Variants in ADHFE1 observed in about 807,000 individuals in gnomAD.
ADHFE1 encodes the protein hydroxyacid-oxoacid transhydrogenase, mitochondrial.
ADHFE1 carries 37 observed loss-of-function variants against 54.8 expected under a neutral mutation model. The observed-to-expected ratio is 0.68, with a 90% CI of 0.52 to 0.89. ADHFE1 has a LOEUF of 0.89. Ranked by LOEUF, ADHFE1 falls within the 40% of genes least tolerant of loss-of-function variation. The pLI, the probability that ADHFE1 is intolerant of heterozygous loss-of-function variation, is 0.00. For missense variants in ADHFE1, 601 were observed against 591.2 expected (o/e 1.02, Z -0.17); for synonymous variants, 203 against 229.3 (o/e 0.89, Z 1.04).
rs377555801 is a variant in ADHFE1, at chr8:66,448,987, C to T, written c.734+17C>T. On this transcript the variant is annotated intron_variant, in intron 8 of 13. Coordinates refer to ENST00000396623, the MANE Select transcript of ADHFE1 (RefSeq NM_144650.3). ...TGTGCTTTGGTAAGTGCTGGTGCCT[C>T]CTGGAGGGGCTTTTTTAGTACTGGG... The T allele has an allele frequency of 3.6e-4, 579 of 1,605,258 alleles. 2 individuals carry two copies. Among genetic ancestry groups the T allele is most frequent in the Admixed American group, 6.9e-4 (41 of 59,748 alleles).
chr8:66,460,583 G>A lies in ADHFE1; in HGVS notation c.1320+118G>A, dbSNP rs147090596. 6.3e-3 allele frequency: 8,082 copies of A among 1,275,364 alleles called. 45 individuals carry two copies. Among genetic ancestry groups the A allele is most frequent in the Middle Eastern group, 0.023 (82 of 3,492 alleles). The allele number at this position is 1,275,364 out of a possible 1,614,324, so 79.0% of individuals were successfully genotyped here. On this transcript the variant is annotated intron_variant, in intron 13 of 13. Coordinates refer to ENST00000396623, the MANE Select transcript of ADHFE1 (RefSeq NM_144650.3). ...ACCAGGGCTCCCCGGTGGTTCTCGG[G>A]TCTCCTCCACAGCAGACAGCAGTTC...
chr8:66,461,349 A>T (rs746288934), intron 13 of ADHFE1, among the ~76,000 whole-genome samples: 1 of 152,132 alleles, frequency 6.6e-6, no homozygotes, highest in African/African-American at 2.4e-5. Context: ...TTCCCTGACC[A>T]TGGAACAGAG....
chr8:66,445,271 C>A lies in ADHFE1; in HGVS notation c.407C>A (p.Ala136Asp), dbSNP rs139870830. The change falls in exon 6 of 14, where the codon GCT becomes GAT. Residue 136 changes from alanine (A) to aspartate (D), a missense_variant. Physicochemically the swap from Ala to Asp is moderately radical, Grantham distance 126 (BLOSUM62 -2). Coordinates refer to ENST00000396623, the MANE Select transcript of ADHFE1 (RefSeq NM_144650.3). ...AQKGAFDAYV[A>D]VGGGSTMDTC... ...AAGGGAGCTTTTGATGCCTATGTTG[C>A]TGTCGGTGGTGGCTCTACCATGGAC... 6.6e-5 allele frequency: 106 copies of A among 1,613,584 alleles called. No individual in the cohort carries two copies. In the African/African-American group the frequency reaches 1.3e-3, roughly 19 times the overall value.
In ADHFE1 at chr8:66,444,638, C is replaced by T; in HGVS notation, c.243C>T (p.Asp81=). The T allele has an allele frequency of 1.2e-6, 2 of 1,614,212 alleles. No homozygotes were observed. The highest frequency in any genetic ancestry group is 1.7e-6 in the Non-Finnish European group (2 of 1,180,042). Residue 81 remains aspartate, a synonymous_variant, in exon 5 of 14, where the codon GAC becomes GAT. Coordinates refer to ENST00000396623, the MANE Select transcript of ADHFE1 (RefSeq NM_144650.3). ...CTAAAAATGTGTGCTTGATGACAGA[C>T]AAGAACCTCTCCAAGCTCCCTCCTG... ...MGAKNVCLMT[D]KNLSKLPPVQ...
At chr8:66,436,458 T>G (rs1463478435) in intron 1 of ADHFE1, among the ~76,000 whole-genome samples, 2 of 152,124 alleles carry the variant, frequency 1.3e-5, no homozygotes, top group Admixed American at 1.3e-4. Flanking sequence ...GATGGGAGTG[T>G]GGGGCCAAGG....
intron 1 of ADHFE1, among the ~76,000 whole-genome samples, chr8:66,438,157 T>C (rs1586434239): frequency 6.6e-6 from 1 of 152,150 alleles, no homozygotes; most frequent in East Asian, 1.9e-4. Context: ...ATGCCCCGAC[T>C]ACAGTGTGGG....
At position 66,468,533 on chromosome 8, in the gene ADHFE1, C is replaced by A; in HGVS notation, c.*181C>A. ...TCAGAGTCCAGTTCCTTCCATAAAA[C>A]AGGCTGGACAAATGACCACTATGTT... On this transcript the variant is annotated 3_prime_UTR_variant, in exon 14 of 14. Coordinates refer to ENST00000396623, the MANE Select transcript of ADHFE1 (RefSeq NM_144650.3). The A allele has an allele frequency of 2.4e-6, 1 of 416,938 alleles. No homozygotes were observed. Among genetic ancestry groups the A allele is most frequent in the Non-Finnish European group, 4.2e-6 (1 of 238,592 alleles). 25.8% of individuals were successfully genotyped at this position (416,938 alleles called of 1,614,324 possible). A position where few individuals can be genotyped will look rare whatever the true frequency, so the allele number is the denominator to read the frequency against.
At chr8:66,453,698 A>G in intron 9 of ADHFE1, 5 of 1,369,278 alleles carry the variant, frequency 3.7e-6, no homozygotes, top group Non-Finnish European at 4.9e-6. Context: ...GAATGTTTAC[A>G]TCCCTTCACA....
intron 6 of ADHFE1, 107 bp downstream of exon 6, chr8:66,445,521 T>C (rs1805982854): frequency 8.9e-7 from 1 of 1,123,254 alleles, no homozygotes; most frequent in African/African-American, 1.6e-5. Context: ...AGCTTTCTGG[T>C]TTGTTCATTT....
intron 13 of ADHFE1, among the ~76,000 whole-genome samples, chr8:66,463,056 A>C (rs988538842): frequency 6.6e-6 from 1 of 152,168 alleles, no homozygotes; most frequent in African/African-American, 2.4e-5. Context: ...TCCTGACCTC[A>C]GGTGATCCGC....
At chr8:66,459,285 G>C (rs1239727651) in intron 12 of ADHFE1, among the ~76,000 whole-genome samples, 1 of 151,968 alleles carries the variant, frequency 6.6e-6, no homozygotes, top group Non-Finnish European at 1.5e-5. Context: ...AGGGTGCTAA[G>C]GGTTGTGAAA....
chr8:66,465,564 G>A (rs964746758), intron 13 of ADHFE1, among the ~76,000 whole-genome samples: 2 of 152,000 alleles, frequency 1.3e-5, no homozygotes, highest in Non-Finnish European at 2.9e-5. Flanking sequence ...TTTTTGAATT[G>A]AGCTGTTTGA....
At chr8:66,460,552 A>G (rs1806842720) in intron 13 of ADHFE1, 87 bp downstream of exon 13, 2 of 1,479,488 alleles carry the variant, frequency 1.4e-6, no homozygotes, top group Non-Finnish European at 1.8e-6. Flanking sequence ...GCTAGCAGGG[A>G]TGGAAACCAG....
rs373699840 is a variant in ADHFE1 at position 66,452,075 on chromosome 8, C to A, written c.857C>A (p.Ala286Glu). 3 of 1,614,120 alleles carry A rather than the reference C, an allele frequency of 1.9e-6. No individual in the cohort carries two copies. The highest frequency in any genetic ancestry group is 2.5e-6 in the Non-Finnish European group (3 of 1,179,998). Residue 286 changes from alanine to glutamate, a missense_variant, in exon 9 of 14, where the codon GCG (alanine) becomes GAG (glutamate). Physicochemically the swap from Ala to Glu is moderately radical, Grantham distance 107. Transcript: ENST00000396623. ...NPISDIWAIH[A>E]LRIVAKYLKR... ...ATCAGTGACATTTGGGCTATCCACG[C>A]GCTGCGGATCGTGGCTAAGTATCTG...
At chr8:66,458,626 A>G (rs1037724895) in intron 12 of ADHFE1, among the ~76,000 whole-genome samples, 1 of 152,226 alleles carries the variant, frequency 6.6e-6, no homozygotes, top group Non-Finnish European at 1.5e-5. Context: ...TAGCAACACT[A>G]CTGAGAAGGG....
chr8:66,447,247 A>C lies in ADHFE1; in HGVS notation c.551-17A>C. The C allele has an allele frequency of 6.2e-7, 1 of 1,606,982 alleles. No homozygotes were observed. Among genetic ancestry groups the C allele is most frequent in the Non-Finnish European group, 8.5e-7 (1 of 1,174,346 alleles). ...TTATTTAGATGCTTTATTAAAATTA[A>C]TATTATTTTGTTCAAGTGCCAACTA... On this transcript the variant is annotated splice_polypyrimidine_tract_variant and intron_variant, in intron 6 of 13. Coordinates refer to ENST00000396623, the MANE Select transcript of ADHFE1 (RefSeq NM_144650.3).
intron 8 of ADHFE1, among the ~76,000 whole-genome samples, chr8:66,449,854 C>T (rs1028896210): frequency 6.6e-6 from 1 of 152,206 alleles, no homozygotes; most frequent in Non-Finnish European, 1.5e-5. Flanking sequence ...CACAGTGGCT[C>T]ACGCCTGTAT....
chr8:66,444,490 C>T, intron 4 of ADHFE1, 70 bp downstream of exon 4: 1 of 1,605,844 alleles, frequency 6.2e-7, no homozygotes. Context: ...TGCTAAATGA[C>T]AACAATCACA....
Position 66,468,408 on chromosome 8 carries a change from C to A in ADHFE1, c.*56C>A. On this transcript the variant is annotated 3_prime_UTR_variant, in exon 14 of 14. Transcript: ENST00000396623. Reference sequence around the variant, plus strand: ...GCCATTGTAGTGCTGAGAGCAAGAGCTGATCTAGCTAGGGCTTTGTCTTTT... The same window carrying A: ...GCCATTGTAGTGCTGAGAGCAAGAGATGATCTAGCTAGGGCTTTGTCTTTT... 7.0e-7 allele frequency: 1 copy of A among 1,431,674 alleles called. No individual in the cohort carries two copies. Among genetic ancestry groups the A allele is most frequent in the Non-Finnish European group, 9.7e-7 (1 of 1,033,490 alleles). 88.7% of individuals were successfully genotyped at this position (1,431,674 alleles called of 1,614,324 possible). A position where few individuals can be genotyped will look rare whatever the true frequency, so the allele number is the denominator to read the frequency against.
Sources: allele counts gnomAD v4.1 joint callset (sites outside exome capture counted in the v4.1 genomes callset), GRCh38; gene constraint gnomAD v4.1.1; transcripts MANE v1.5; gene names NCBI Gene and HGNC (gene_info 2026-07-23, HGNC 2026-07-21).